Variants in NKAIN3 observed in about 807,000 individuals in gnomAD.
NKAIN3 encodes the protein sodium/potassium-transporting ATPase subunit beta-1-interacting protein 3.
A neutral mutation model predicts 30.2 loss-of-function variants in NKAIN3; 25 were observed. That is an observed-to-expected ratio of 0.83 (90% CI 0.60 to 1.16). NKAIN3 has a LOEUF of 1.16. Among genes scored for constraint, NKAIN3 ranks in the 50% most tolerant of loss-of-function variants. The pLI is 0.00. For synonymous variants in NKAIN3, 91 were observed against 89.6 expected (o/e 1.02, Z -0.09); for missense variants, 225 against 254.1 (o/e 0.89, Z 0.78).
At chr8:62,900,044 T>G (rs552074551) in intron 4 of NKAIN3, among the ~76,000 whole-genome samples, 6 of 131,792 alleles carry the variant, frequency 4.6e-5, no homozygotes, top group Admixed American at 1.6e-4. Flanking sequence ...AAAAAAGAAA[T>G]AAAGAAAATG....
chr8:62,544,169 T>C (rs1808936253), intron 1 of NKAIN3, among the ~76,000 whole-genome samples: 1 of 152,000 alleles, frequency 6.6e-6, no homozygotes, highest in Non-Finnish European at 1.5e-5. Flanking sequence ...ATCTGGCTAA[T>C]TTTTAGTATT....
chr8:62,945,800 C>T (rs1823107689), intron 5 of NKAIN3, among the ~76,000 whole-genome samples: 1 of 152,118 alleles, frequency 6.6e-6, no homozygotes, highest in South Asian at 2.1e-4. Context: ...GGGAGACTTC[C>T]AGACCCTCCA....
chr8:62,611,365 C>G (rs1179176329), intron 3 of NKAIN3, among the ~76,000 whole-genome samples: 1 of 152,060 alleles, frequency 6.6e-6, no homozygotes, highest in Admixed American at 6.6e-5. Context: ...TAGAGTCACC[C>G]TATTGTGCTA....
At position 62,871,418 on chromosome 8, in the gene NKAIN3, A is replaced by AC. The variant is rs1554586745; in HGVS notation, c.472-47034dup. 5.9e-3 allele frequency among the ~76,000 whole-genome samples: 844 copies of AC among 142,414 alleles called. 23 individuals are homozygous for AC. Among genetic ancestry groups the AC allele is most frequent in the African/African-American group, 7.9e-3 (302 of 38,384 alleles). 93.4% of individuals were successfully genotyped at this position (142,414 alleles called of 152,430 possible). ...ACTCTGTCTCAAAAAAAAAAAAAAA[A>AC]CAAAAACAAACAAACAAACAATAAA... is the stretch of plus-strand genomic sequence containing the variant. On this transcript the variant is annotated intron_variant, in intron 4 of 6. Transcript: ENST00000623646.
intron 4 of NKAIN3, among the ~76,000 whole-genome samples, chr8:62,802,288 G>A (rs1246214572): frequency 3.3e-5 from 5 of 152,112 alleles, no homozygotes; most frequent in African/African-American, 7.2e-5. Context: ...GATACTCCTC[G>A]AGAAGAGCAA....
rs1309769765 is a variant in NKAIN3 at position 62,599,971 on chromosome 8, G to A, written c.273+10177G>A. Reference sequence around the variant, plus strand: ...TTTTTTCCTCCTGAGGAATACATTTGGAATTAAATATGAAAACCCATCTTA... The same window carrying A: ...TTTTTTCCTCCTGAGGAATACATTTAGAATTAAATATGAAAACCCATCTTA... On this transcript the variant is annotated intron_variant, in intron 3 of 6. Coordinates refer to ENST00000623646, the MANE Select transcript of NKAIN3 (RefSeq NM_001304533.3). Among the ~76,000 whole-genome samples the A allele has an allele frequency of 2.6e-5, 4 of 151,796 alleles. 1 individual carries two copies. The South Asian group carries it at 6.2e-4, about 24-fold the overall frequency.
At chr8:62,741,314 G>T (rs1049464026) in intron 3 of NKAIN3, among the ~76,000 whole-genome samples, 1 of 151,344 alleles carries the variant, frequency 6.6e-6, no homozygotes, top group African/African-American at 2.4e-5. Context: ...AAGGGGGAGA[G>T]GGAGAAAGAA....
chr8:62,685,880 A>T (rs1204863480), intron 3 of NKAIN3, among the ~76,000 whole-genome samples: 1 of 152,196 alleles, frequency 6.6e-6, no homozygotes, highest in Non-Finnish European at 1.5e-5. Context: ...GTCTAATCCC[A>T]TCCCCTTCCT....
At chr8:62,923,674 A>G (rs1460108180) in intron 5 of NKAIN3, among the ~76,000 whole-genome samples, 1 of 152,178 alleles carries the variant, frequency 6.6e-6, no homozygotes, top group African/African-American at 2.4e-5. Flanking sequence ...CTTGAAAGGG[A>G]TGCACTCACA....
intron 1 of NKAIN3, among the ~76,000 whole-genome samples, chr8:62,267,976 T>G (rs1275855406): frequency 6.6e-6 from 1 of 152,224 alleles, no homozygotes; most frequent in Non-Finnish European, 1.5e-5. Flanking sequence ...CTCAACTGAT[T>G]GAAAATTTTA....
intron 3 of NKAIN3, among the ~76,000 whole-genome samples, chr8:62,676,621 T>C (rs1407791879): frequency 6.6e-6 from 1 of 152,166 alleles, no homozygotes; most frequent in African/African-American, 2.4e-5. Context: ...TTACCAAAGG[T>C]TTAAAAACTA....
chr8:62,322,175 A>G (rs555838130), intron 1 of NKAIN3, among the ~76,000 whole-genome samples: 19 of 152,316 alleles, frequency 1.2e-4, no homozygotes, highest in South Asian at 2.1e-4. Context: ...AGACCATTGG[A>G]AAAGTGCAGT....
At chr8:62,896,840 T>C (rs1473175997) in intron 4 of NKAIN3, among the ~76,000 whole-genome samples, 1 of 152,182 alleles carries the variant, frequency 6.6e-6, no homozygotes, top group Non-Finnish European at 1.5e-5. Flanking sequence ...AAATGTAGGC[T>C]ATTTACCTTT....
At chr8:62,624,430 C>T (rs1183326650) in intron 3 of NKAIN3, among the ~76,000 whole-genome samples, 1 of 151,222 alleles carries the variant, frequency 6.6e-6, no homozygotes, top group Non-Finnish European at 1.5e-5. Flanking sequence ...TCTACTCTCT[C>T]TTTTTTACTT....
intron 4 of NKAIN3, among the ~76,000 whole-genome samples, chr8:62,894,447 T>C (rs1821376477): frequency 6.6e-6 from 1 of 152,186 alleles, no homozygotes; most frequent in Non-Finnish European, 1.5e-5. Flanking sequence ...GGTCTTTTGT[T>C]TGTGTTTTGT....
rs550181896 is a variant in NKAIN3 at position 62,814,144 on chromosome 8, A to G, written c.471+67015A>G. 5.3e-5 allele frequency among the ~76,000 whole-genome samples: 8 copies of G among 152,138 alleles called. No homozygotes were observed. In the South Asian group the frequency reaches 1.0e-3, roughly 20 times the overall value. On this transcript the variant is annotated intron_variant, in intron 4 of 6. Transcript: ENST00000623646. ...GAACTTCTTTGGATTGAATTTACGT[A>G]AGAATCTTTTAGCTTCCTATATCTG...
chr8:62,993,295 C>A (rs1804015775), intron 5 of NKAIN3, among the ~76,000 whole-genome samples: 1 of 152,066 alleles, frequency 6.6e-6, no homozygotes, highest in African/African-American at 2.4e-5. Flanking sequence ...TGCCACACAA[C>A]CTTTTATTAC....
At chr8:62,743,000 A>G (rs1246109710) in intron 3 of NKAIN3, among the ~76,000 whole-genome samples, 1 of 152,168 alleles carries the variant, frequency 6.6e-6, no homozygotes, top group East Asian at 1.9e-4. Flanking sequence ...GAACTTACTC[A>G]CTATCACTAG....
At chr8:62,594,477 A>G (rs187894146) in intron 3 of NKAIN3, among the ~76,000 whole-genome samples, 2 of 152,042 alleles carry the variant, frequency 1.3e-5, no homozygotes, top group Admixed American at 1.3e-4. Flanking sequence ...TTATAGATCA[A>G]ATCAAATCAG....
Sources: gnomAD v4.1 joint callset for allele counts (sites outside exome capture counted in the v4.1 genomes callset) on GRCh38, gnomAD v4.1.1 for gene constraint, MANE v1.5 for transcripts, NCBI Gene and HGNC (gene_info 2026-07-23, HGNC 2026-07-21) for gene names.